The following CDK6 variants were observed in gnomAD, a reference collection of about 807,000 sequenced individuals.
CDK6 encodes cyclin dependent kinase 6.
CDK6 carries 6 observed loss-of-function variants against 37.1 expected under a neutral mutation model. That is an observed-to-expected ratio of 0.16 (90% CI 0.09 to 0.32). The LOEUF (loss-of-function observed/expected upper bound fraction) is 0.32, where lower values mean the gene tolerates loss of function less well. CDK6 is among the 10% of genes least tolerant of loss of function. The pLI is 1.00. For missense variants in CDK6, 224 were observed against 418.9 expected (o/e 0.53, Z 4.06); for synonymous variants, 160 against 161.3 (o/e 0.99, Z 0.06).
chr7:92,715,632 CA>C (rs749653138), intron 4 of CDK6, among the ~76,000 whole-genome samples: 4 of 152,096 alleles, frequency 2.6e-5, no homozygotes, highest in Non-Finnish European at 4.4e-5. Flanking sequence ...GTTCAGCAGC[CA>C]AAGACTATCA....
At chr7:92,811,955 A>G (rs924575081) in intron 2 of CDK6, among the ~76,000 whole-genome samples, 1 of 152,182 alleles carries the variant, frequency 6.6e-6, no homozygotes, top group South Asian at 2.1e-4. Flanking sequence ...GTTCGAGATC[A>G]GCCTGACCAA....
intron 2 of CDK6, among the ~76,000 whole-genome samples, chr7:92,781,326 T>C (rs1467948606): frequency 6.6e-6 from 1 of 152,366 alleles, no homozygotes; most frequent in East Asian, 1.9e-4. Context: ...AGCACTCAGT[T>C]TTCCAGCTGT....
chr7:92,659,639 A>ACACAC lies in CDK6; in HGVS notation c.647+11782_647+11786dup, dbSNP rs1796793328. 3.3e-5 allele frequency among the ~76,000 whole-genome samples: 5 copies of ACACAC among 149,908 alleles called. No individual in the cohort carries two copies. The South Asian group carries it at 1.1e-3, about 32-fold the overall frequency. ...ACACACACACACACACACACACCAC[A>ACACAC]CACACACACACTTTTGAATTCATAA... On this transcript the variant is annotated intron_variant, in intron 5 of 7. Coordinates refer to ENST00000424848, the MANE Select transcript of CDK6 (RefSeq NM_001145306.2).
intron 2 of CDK6, among the ~76,000 whole-genome samples, chr7:92,783,933 T>C (rs141152733): frequency 1.3e-5 from 2 of 152,278 alleles, no homozygotes; most frequent in East Asian, 1.9e-4. Context: ...GCTTCTTCCA[T>C]AGTCCTACAT....
chr7:92,687,173 G>A (rs759719632), intron 4 of CDK6, among the ~76,000 whole-genome samples: 2 of 152,166 alleles, frequency 1.3e-5, no homozygotes, highest in Non-Finnish European at 1.5e-5. Context: ...TCTGAGAGAC[G>A]AAGCAGATTC....
chr7:92,827,675 C>T (rs1369828354), intron 2 of CDK6, among the ~76,000 whole-genome samples: 4 of 152,216 alleles, frequency 2.6e-5, no homozygotes, highest in East Asian at 1.9e-4. Flanking sequence ...TATCAACCAC[C>T]GGTGCGTTTT....
At chr7:92,689,175 T>C (rs1311210951) in intron 4 of CDK6, among the ~76,000 whole-genome samples, 4 of 152,180 alleles carry the variant, frequency 2.6e-5, no homozygotes, top group Admixed American at 6.5e-5. Context: ...CAGGGGTTCA[T>C]TGTACTGATT....
intron 4 of CDK6, among the ~76,000 whole-genome samples, chr7:92,720,824 A>C (rs1386200967): frequency 6.6e-6 from 1 of 152,148 alleles, no homozygotes; most frequent in African/African-American, 2.4e-5. Context: ...TTGACTTCAG[A>C]GTGACTCTAA....
In CDK6 at chr7:92,834,600, G is replaced by A. The variant is rs915700341; in HGVS notation, c.-367-910C>T. On this transcript the variant is annotated intron_variant, in intron 1 of 7. Coordinates refer to ENST00000424848, the MANE Select transcript of CDK6 (RefSeq NM_001145306.2). This position sits in a 1 kb window ranked among gnomAD's most constrained non-coding sequence, Gnocchi z 4.6. The stretch of plus-strand genomic sequence containing the variant: ...CTCCTTAAAGAATAACTTCAGGAAG[G>A]GGATAGCATAATCGCGCCTCGTCCT... Among the ~76,000 whole-genome samples the A allele has an allele frequency of 3.3e-5, 5 of 150,074 alleles. No homozygotes were observed. The highest frequency in any genetic ancestry group is 2.7e-4 in the Admixed American group (4 of 14,916).
chr7:92,671,428 T>C lies in CDK6; in HGVS notation c.645A>G (p.Arg215=). ...GTGAAACAAAATGTATTTCTTACTTTCTACGAAACATTTCTGCAAATATGC... is the reference window on the plus strand; with the variant it reads ...GTGAAACAAAATGTATTTCTTACTTCCTACGAAACATTTCTGCAAATATGC... ...VGCIFAEMFR[R]KPLFRGSSDV... The change falls in exon 5 of 8, where the codon AGA becomes AGG. Residue 215 remains arginine (R), a splice_region_variant and synonymous_variant. Coordinates refer to ENST00000424848, the MANE Select transcript of CDK6 (RefSeq NM_001145306.2). The C allele has an allele frequency of 6.5e-7, 1 of 1,542,278 alleles. No individual in the cohort carries two copies. The highest frequency in any genetic ancestry group is 1.4e-5 in the African/African-American group (1 of 71,516).
In CDK6 at chr7:92,762,932, T is replaced by C. The variant is rs533730617; in HGVS notation, c.369+11764A>G. ...TGATCTAAATCTGATTGCTTAATAG[T>C]AAACTTATCTTTTAATGTTGCAGTT... On this transcript the variant is annotated intron_variant, in intron 3 of 7. Coordinates refer to ENST00000424848, the MANE Select transcript of CDK6 (RefSeq NM_001145306.2). Among the ~76,000 whole-genome samples, 3 of 152,332 alleles carry C rather than the reference T, an allele frequency of 2.0e-5. No individual in the cohort carries two copies. In the South Asian group the frequency reaches 6.2e-4, roughly 32 times the overall value.
chr7:92,761,805 G>A (rs767135628), intron 3 of CDK6, among the ~76,000 whole-genome samples: 4 of 152,198 alleles, frequency 2.6e-5, no homozygotes, highest in African/African-American at 7.2e-5. Flanking sequence ...CTTCATGTGT[G>A]ATGCTCTCAT....
rs760859717 is a variant in CDK6 at position 92,618,143 on chromosome 7, G to A, written c.763C>T (p.His255Tyr). 1 of 1,614,060 alleles carries A rather than the reference G, an allele frequency of 6.2e-7. No individual in the cohort carries two copies. Among genetic ancestry groups the A allele is most frequent in the Non-Finnish European group, 8.5e-7 (1 of 1,179,904 alleles). The change falls in exon 7 of 8, where the codon CAT (histidine) becomes TAT (tyrosine). Residue 255 changes from histidine (H) to tyrosine (Y), a missense_variant. By Grantham distance (83) the His-to-Tyr change is moderately conservative. Around this residue, in one of 5 missense-constraint regions of CDK6, gnomAD observed 90 missense variants for 136.2 expected, o/e 0.66. Coordinates refer to ENST00000424848, the MANE Select transcript of CDK6 (RefSeq NM_001145306.2). ...RDVALPRQAF[H>Y]SKSAQPIEKF... ...TCAATTGGTTGGGCAGATTTTGAAT[G>A]AAAAGCCTGCCTGGGAAGGGCAACA...
At chr7:92,626,626 G>A (rs757287199) in intron 5 of CDK6, among the ~76,000 whole-genome samples, 28 of 152,074 alleles carry the variant, frequency 1.8e-4, no homozygotes, top group Non-Finnish European at 3.4e-4. Flanking sequence ...ACCAAGCCAA[G>A]GAGGTCAACT....
chr7:92,678,490 C>T (rs1029854844), intron 4 of CDK6, among the ~76,000 whole-genome samples: 1 of 152,112 alleles, frequency 6.6e-6, no homozygotes, highest in African/African-American at 2.4e-5. Flanking sequence ...GTTTAAACTG[C>T]TTTGATCTCT....
intron 2 of CDK6, among the ~76,000 whole-genome samples, chr7:92,797,027 C>T (rs1490233227): frequency 2.0e-5 from 3 of 152,130 alleles, no homozygotes; most frequent in Admixed American, 6.6e-5. Context: ...CACCCCACAT[C>T]GAACAGACTA....
At chr7:92,819,745 A>G (rs1196699669) in intron 2 of CDK6, among the ~76,000 whole-genome samples, 4 of 152,116 alleles carry the variant, frequency 2.6e-5, no homozygotes, top group Non-Finnish European at 5.9e-5. Flanking sequence ...AAAACCAACA[A>G]GTGGAGAACA....
rs565967648 is a variant in CDK6, at chr7:92,835,041, G to C, written c.-367-1351C>G. ...CCTCGGAATTACCTGCCTCGCAACCGCTGGCCCGCTCGCCTTTTGCCAGGA... is the reference window on the plus strand; with the variant it reads ...CCTCGGAATTACCTGCCTCGCAACCCCTGGCCCGCTCGCCTTTTGCCAGGA... On this transcript the variant is annotated intron_variant, in intron 1 of 7. Coordinates refer to ENST00000424848, the MANE Select transcript of CDK6 (RefSeq NM_001145306.2). This position sits in a 1 kb window ranked among gnomAD's most constrained non-coding sequence, Gnocchi z 4.2. 6.6e-6 allele frequency: 1 copy of C among 152,242 alleles called. No individual in the cohort carries two copies. Among genetic ancestry groups the C allele is most frequent in the African/African-American group, 2.4e-5 (1 of 41,446 alleles). 9.4% of individuals were successfully genotyped at this position (152,242 alleles called of 1,614,324 possible).
Position 92,612,591 on chromosome 7 carries a change from T to A in CDK6, c.*2549A>T. 1 of 233,178 alleles carries A rather than the reference T, an allele frequency of 4.3e-6. No homozygotes were observed. Among genetic ancestry groups the A allele is most frequent in the Non-Finnish European group, 8.5e-6 (1 of 117,984 alleles). The allele number at this position is 233,178 out of a possible 1,614,324, so 14.4% of individuals were successfully genotyped here. ...GAGGCTGAGATGCCCTTTCATTCTGTGTCATCAGAAGATAATCTGCCAACG... is the reference window on the plus strand; with the variant it reads ...GAGGCTGAGATGCCCTTTCATTCTGAGTCATCAGAAGATAATCTGCCAACG... On this transcript the variant is annotated 3_prime_UTR_variant, in exon 8 of 8. Coordinates refer to ENST00000424848, the MANE Select transcript of CDK6 (RefSeq NM_001145306.2).
Sources: allele counts gnomAD v4.1 joint callset (sites outside exome capture counted in the v4.1 genomes callset), GRCh38; gene constraint gnomAD v4.1.1; regional missense constraint gnomAD v4.1.1; non-coding constraint Gnocchi (gnomAD v3.1); transcripts MANE v1.5; gene names NCBI Gene and HGNC (gene_info 2026-07-23, HGNC 2026-07-21).